NTM: variants seen among roughly 807,000 people sequenced by gnomAD.
NTM encodes neurotrimin, also known as IgLON family member 2.
In NTM, 13 loss-of-function variants were observed where a neutral mutation model predicts 42.1. The ratio of observed to expected loss-of-function variants is 0.31; its 90% CI spans 0.20 to 0.49. The LOEUF (loss-of-function observed/expected upper bound fraction) is 0.49, where lower values mean the gene tolerates loss of function less well. NTM is among the 20% of genes least tolerant of loss of function. The pLI, the probability that NTM is intolerant of heterozygous loss-of-function variation, is 0.99. For synonymous variants in NTM, 187 were observed against 179.2 expected (o/e 1.04, Z -0.35); for missense variants, 373 against 452.8 (o/e 0.82, Z 1.60).
chr11:131,848,513 G>A (rs977918142), intron 1 of NTM, among the ~76,000 whole-genome samples: 1 of 152,220 alleles, frequency 6.6e-6, no homozygotes, highest in Admixed American at 6.5e-5. Context: ...TATTATTACA[G>A]AGAACTCATC....
At chr11:131,720,315 C>T (rs910485118) in intron 1 of NTM, among the ~76,000 whole-genome samples, 6 of 152,154 alleles carry the variant, frequency 3.9e-5, no homozygotes, top group East Asian at 1.9e-4. Flanking sequence ...AGTGTGTTTA[C>T]GTTCGAATCC....
At chr11:131,897,359 A>G (rs964915955) in intron 1 of NTM, among the ~76,000 whole-genome samples, 2 of 152,232 alleles carry the variant, frequency 1.3e-5, no homozygotes, top group African/African-American at 4.8e-5. Context: ...GCACTGATCT[A>G]CCAGTGAGCA....
At chr11:132,199,666 A>G (rs1025167007) in intron 3 of NTM, among the ~76,000 whole-genome samples, 1 of 151,078 alleles carries the variant, frequency 6.6e-6, no homozygotes, top group Non-Finnish European at 1.5e-5. Flanking sequence ...CCTGCTGGGA[A>G]CTGGTGAGCG....
intron 2 of NTM, among the ~76,000 whole-genome samples, chr11:132,050,581 A>G (rs1419021864): frequency 6.6e-6 from 1 of 152,182 alleles, no homozygotes; most frequent in African/African-American, 2.4e-5. Flanking sequence ...ATGGCTTCCA[A>G]TTGAGATCTG....
chr11:131,403,594 G>A (rs762895680), intron 1 of NTM, among the ~76,000 whole-genome samples: 4 of 152,114 alleles, frequency 2.6e-5, no homozygotes, highest in Admixed American at 6.5e-5. Context: ...GTAACAAATT[G>A]CAAATGGGTG....
chr11:131,721,906 G>A (rs2078380383), intron 1 of NTM, among the ~76,000 whole-genome samples: 1 of 148,652 alleles, frequency 6.7e-6, no homozygotes, highest in South Asian at 2.2e-4. Flanking sequence ...GACTGAGGCA[G>A]GAGAATTACT....
intron 3 of NTM, among the ~76,000 whole-genome samples, chr11:132,151,619 C>T (rs1196052487): frequency 6.6e-6 from 1 of 152,198 alleles, no homozygotes; most frequent in Non-Finnish European, 1.5e-5. Context: ...TCTAATCATC[C>T]CCTCCCTTTT....
intron 1 of NTM, among the ~76,000 whole-genome samples, chr11:131,790,171 T>A (rs550379016): frequency 6.6e-6 from 1 of 152,180 alleles, no homozygotes; most frequent in African/African-American, 2.4e-5. Flanking sequence ...AAAAATTATT[T>A]CATATGGAGA....
intron 1 of NTM, among the ~76,000 whole-genome samples, chr11:131,897,433 A>T (rs2052481062): frequency 6.6e-6 from 1 of 152,228 alleles, no homozygotes; most frequent in South Asian, 2.1e-4. Context: ...AGTTGGAGTT[A>T]AATGTCATCA....
At chr11:131,825,242 C>A (rs932681479) in intron 1 of NTM, among the ~76,000 whole-genome samples, 6 of 152,112 alleles carry the variant, frequency 3.9e-5, no homozygotes, top group Non-Finnish European at 8.8e-5. Context: ...ATAAAGACAC[C>A]AGTCATGTTG....
intron 2 of NTM, among the ~76,000 whole-genome samples, chr11:132,027,883 C>T (rs1408177995): frequency 1.3e-5 from 2 of 152,124 alleles, no homozygotes; most frequent in Non-Finnish European, 2.9e-5. Flanking sequence ...ATTACACTTC[C>T]TTTTGTAGTT....
chr11:131,748,885 G>A lies in NTM; in HGVS notation c.83-162679G>A, dbSNP rs187038698. On this transcript the variant is annotated intron_variant, in intron 1 of 8. Transcript: ENST00000683400. ...ACGGTTCCCAGTGCCAGGCGGCCCT[G>A]CTTTCCTCACAGCATGGGGGCTTTT... 2.5e-3 allele frequency among the ~76,000 whole-genome samples: 375 copies of A among 152,306 alleles called. 5 individuals carry two copies. The highest frequency in any genetic ancestry group is 3.9e-3 in the Admixed American group (59 of 15,304).
intron 1 of NTM, among the ~76,000 whole-genome samples, chr11:131,609,509 TC>T (rs2061300050): frequency 1.3e-5 from 2 of 152,324 alleles, no homozygotes; most frequent in Non-Finnish European, 2.9e-5. Flanking sequence ...CTGTGTGGTT[TC>T]CTGACTGTGA....
At chr11:131,654,326 G>T (rs1332182661) in intron 1 of NTM, among the ~76,000 whole-genome samples, 1 of 152,190 alleles carries the variant, frequency 6.6e-6, no homozygotes, top group Non-Finnish European at 1.5e-5. Context: ...ACCGCCAAAG[G>T]CAGGGCCGGT....
chr11:132,153,529 T>A (rs528902116), intron 3 of NTM, among the ~76,000 whole-genome samples: 2 of 152,340 alleles, frequency 1.3e-5, no homozygotes, highest in South Asian at 4.1e-4. Context: ...GAGTGTGTGA[T>A]ACAGCAATAT....
chr11:132,153,720 A>G (rs1365467844), intron 3 of NTM, among the ~76,000 whole-genome samples: 1 of 152,184 alleles, frequency 6.6e-6, no homozygotes, highest in African/African-American at 2.4e-5. Context: ...AAGACACTCT[A>G]CTGACCCTGT....
At chr11:131,524,295 C>T (rs534927804) in intron 1 of NTM, among the ~76,000 whole-genome samples, 1 of 152,204 alleles carries the variant, frequency 6.6e-6, no homozygotes, top group Non-Finnish European at 1.5e-5. Context: ...GAATGCTGGG[C>T]CTTCAGTGGC....
intron 1 of NTM, among the ~76,000 whole-genome samples, chr11:131,625,575 A>T (rs1397338761): frequency 1.3e-5 from 2 of 151,482 alleles, no homozygotes; most frequent in Non-Finnish European, 2.9e-5. Flanking sequence ...TTTTTTTCAG[A>T]TAACGTTCCC....
chr11:131,904,500 T>C lies in NTM; in HGVS notation c.83-7064T>C, dbSNP rs115930789. On this transcript the variant is annotated intron_variant, in intron 1 of 8. Coordinates refer to ENST00000683400, the MANE Select transcript of NTM (RefSeq NM_001352005.2). ...AGGTTACAAGGCCAATCCCTGAATG[T>C]AGAAATTAGGAGAGATGAGGCAGGC... Among the ~76,000 whole-genome samples, 1,170 of 152,206 alleles carry C rather than the reference T, an allele frequency of 7.7e-3. 20 individuals are homozygous for C. Among genetic ancestry groups the C allele is most frequent in the African/African-American group, 0.027 (1,117 of 41,530 alleles).
Sources: gnomAD v4.1 joint callset for allele counts (sites outside exome capture counted in the v4.1 genomes callset) on GRCh38, gnomAD v4.1.1 for gene constraint, MANE v1.5 for transcripts, NCBI Gene and HGNC (gene_info 2026-07-23, HGNC 2026-07-21) for gene names.